DYNC1H1: variants seen among roughly 807,000 people sequenced by gnomAD.
The protein encoded by DYNC1H1 is cytoplasmic dynein 1 heavy chain 1.
DYNC1H1 carries 51 observed loss-of-function variants against 527.1 expected under a neutral mutation model. The observed-to-expected ratio is 0.10, with a 90% CI of 0.08 to 0.12. The LOEUF is 0.12. DYNC1H1 is among the 10% of genes least tolerant of loss of function. The probability of loss-of-function intolerance (pLI) is 1.00; values close to 1 mark genes in which losing one functional copy is unlikely to be tolerated. For missense variants in DYNC1H1, 2,771 were observed against 5,971.8 expected, an observed-to-expected ratio of 0.46 and a Z score of 17.66; for synonymous variants, 2,189 against 2,278.8, an observed-to-expected ratio of 0.96 and a Z score of 1.12.
chr14:102,011,288 T>TA lies in DYNC1H1; in HGVS notation c.6618+337dup. ...ATGAACAACCTGAATCGCTGATCAATACGTAGTTTACATTCTGTATTGGCT... is the reference window on the plus strand; with the variant it reads ...ATGAACAACCTGAATCGCTGATCAATAACGTAGTTTACATTCTGTATTGGCT... On this transcript the variant is annotated intron_variant, in intron 32 of 77. Transcript: ENST00000360184. This position sits in a 1 kb window ranked among gnomAD's most constrained non-coding sequence, Gnocchi z 5.3. 2 of 392,558 alleles carry TA rather than the reference T, an allele frequency of 5.1e-6. No homozygotes were observed. Among genetic ancestry groups the TA allele is most frequent in the East Asian group, 1.3e-4 (2 of 15,994 alleles). 24.3% of individuals were successfully genotyped at this position (392,558 alleles called of 1,614,324 possible). A position where few individuals can be genotyped will look rare whatever the true frequency, so the allele number is the denominator to read the frequency against.
Position 101,979,891 on chromosome 14 carries a change from G to A in DYNC1H1, c.691G>A (p.Asp231Asn), listed in dbSNP as rs1217652731. The stretch of plus-strand genomic sequence containing the variant: ...GCGTGGAGAAAAGCCAAAAGTTACA[G>A]ACTTTGGTGATAAGGTTGAAGACCC... ...YERGEKPKVT[D>N]FGDKVEDPTF... The change falls in exon 4 of 78, where the codon GAC (aspartate) becomes AAC (asparagine). Residue 231 changes from aspartate to asparagine, a missense_variant. Coordinates refer to ENST00000360184, the MANE Select transcript of DYNC1H1 (RefSeq NM_001376.5). This position sits in a 1 kb window ranked among gnomAD's most constrained non-coding sequence, Gnocchi z 4.6. The A allele has an allele frequency of 1.2e-6, 2 of 1,614,224 alleles. No individual in the cohort carries two copies.
intron 11 of DYNC1H1, among the ~76,000 whole-genome samples, chr14:101,993,814 C>T (rs907786509): frequency 2.0e-5 from 3 of 152,186 alleles, no homozygotes; most frequent in Non-Finnish European, 2.9e-5. Flanking sequence ...ATTCCCTAAT[C>T]GCGTCTCTCC....
chr14:102,012,555 T>TC lies in DYNC1H1; in HGVS notation c.7014+86dup. 6.4e-7 allele frequency: 1 copy of TC among 1,551,268 alleles called. No individual in the cohort carries two copies. Among genetic ancestry groups the TC allele is most frequent in the Non-Finnish European group, 8.9e-7 (1 of 1,124,938 alleles). Reference sequence around the variant, plus strand: ...GTGCTAGCTAAGTGCAGCTCTGGAGTCATGGACCCAGATTCCATGGAGTAG... The same window carrying TC: ...GTGCTAGCTAAGTGCAGCTCTGGAGTCCATGGACCCAGATTCCATGGAGTAG... On this transcript the variant is annotated intron_variant, in intron 34 of 77. Transcript: ENST00000360184. This position sits in a 1 kb window ranked among gnomAD's most constrained non-coding sequence, Gnocchi z 4.9.
In DYNC1H1 at chr14:102,016,127, C is replaced by T; in HGVS notation, c.7473+41C>T. The stretch of plus-strand genomic sequence containing the variant: ...GGGCTTCACAGAGCTCACCACTGCG[C>T]CAGACCACAGGTCTGAGGACCTCTG... On this transcript the variant is annotated intron_variant, in intron 36 of 77. Coordinates refer to ENST00000360184, the MANE Select transcript of DYNC1H1 (RefSeq NM_001376.5). This position sits in a 1 kb window ranked among gnomAD's most constrained non-coding sequence, Gnocchi z 7.3. 1 of 1,567,000 alleles carries T rather than the reference C, an allele frequency of 6.4e-7. No homozygotes were observed. Among genetic ancestry groups the T allele is most frequent in the East Asian group, 2.4e-5 (1 of 41,952 alleles).
At chr14:102,008,043 G>C (rs2048217314) in intron 28 of DYNC1H1, 135 bp from the exon 29 acceptor site, 1 of 1,249,246 alleles carries the variant, frequency 8.0e-7, no homozygotes, top group Non-Finnish European at 1.1e-6. Context: ...CCTTAGTTAT[G>C]TCCTTACACG....
At chr14:101,973,935 T>G (rs79545212) in intron 1 of DYNC1H1, among the ~76,000 whole-genome samples, 8,147 of 152,280 alleles carry the variant, frequency 0.054, 237 homozygotes, top group Non-Finnish European at 0.057. Context: ...TAGTGCTTAA[T>G]GAAACCTTAT....
intron 51 of DYNC1H1, chr14:102,030,631 A>C (rs557290521): frequency 3.1e-6 from 1 of 324,382 alleles, no homozygotes; most frequent in East Asian, 8.1e-5. Context: ...AGAAATATAA[A>C]ATATTCAGTG....
intron 52 of DYNC1H1, 94 bp downstream of exon 52, chr14:102,032,561 G>A (rs1463767958): frequency 6.0e-6 from 9 of 1,502,120 alleles, no homozygotes; most frequent in East Asian, 4.6e-5. Context: ...CAGAACTTTC[G>A]GCTGTTCAGG....
rs17541158 is a variant in DYNC1H1, at chr14:102,016,062, C to G, written c.7449C>G (p.Ile2483Met). The G allele has an allele frequency of 3.1e-6, 5 of 1,611,880 alleles. No homozygotes were observed. The East Asian group carries it at 6.7e-5, about 22-fold the overall frequency. ...NANHPDFPMQ[I>M]EQLERYIQRY... ...ACCATCCCGACTTCCCCATGCAGAT[C>G]GAGCAGCTGGAGCGCTACATTCAGG... is the stretch of plus-strand genomic sequence containing the variant. Residue 2483 changes from isoleucine to methionine, a missense_variant, in exon 36 of 78, where the codon ATC (isoleucine) becomes ATG (methionine). Around this residue, in one of 32 missense-constraint regions of DYNC1H1, gnomAD observed 122 missense variants for 168.4 expected, o/e 0.72. Coordinates refer to ENST00000360184, the MANE Select transcript of DYNC1H1 (RefSeq NM_001376.5). This position sits in a 1 kb window ranked among gnomAD's most constrained non-coding sequence, Gnocchi z 7.3.
At position 102,011,768 on chromosome 14, in the gene DYNC1H1, T is replaced by A. The variant is rs1431542083; in HGVS notation, c.6619-107T>A. On this transcript the variant is annotated intron_variant, in intron 32 of 77. Coordinates refer to ENST00000360184, the MANE Select transcript of DYNC1H1 (RefSeq NM_001376.5). This position sits in a 1 kb window ranked among gnomAD's most constrained non-coding sequence, Gnocchi z 5.3. ...CTCCGTTTCAGGAAAAAAAAAAAAA[T>A]CCACACATAATGTTTCTTGCTCACT... The A allele has an allele frequency of 8.5e-6, 10 of 1,179,398 alleles. No individual in the cohort carries two copies. The highest frequency in any genetic ancestry group is 3.1e-5 in the African/African-American group (2 of 65,468). The allele number at this position is 1,179,398 out of a possible 1,614,324, so 73.1% of individuals were successfully genotyped here. A position where few individuals can be genotyped will look rare whatever the true frequency, so the allele number is the denominator to read the frequency against.
rs535620363 is a variant in DYNC1H1, at chr14:101,973,449, C to T, written c.257-2263C>T. Among the ~76,000 whole-genome samples, 5 of 152,136 alleles carry T rather than the reference C, an allele frequency of 3.3e-5. No homozygotes were observed. In the East Asian group the frequency reaches 5.8e-4, roughly 18 times the overall value. On this transcript the variant is annotated intron_variant, in intron 1 of 77. Coordinates refer to ENST00000360184, the MANE Select transcript of DYNC1H1 (RefSeq NM_001376.5). Reference sequence around the variant, plus strand: ...TGCTGAGATTACAGGCATGAGCCACCGCGCCTGGCCAGATAGACTAATATT... The same window carrying T: ...TGCTGAGATTACAGGCATGAGCCACTGCGCCTGGCCAGATAGACTAATATT...
In DYNC1H1 at chr14:102,010,183, T is replaced by G. The variant is rs968757319; in HGVS notation, c.6222-93T>G. On this transcript the variant is annotated intron_variant, in intron 30 of 77. Coordinates refer to ENST00000360184, the MANE Select transcript of DYNC1H1 (RefSeq NM_001376.5). This position sits in a 1 kb window ranked among gnomAD's most constrained non-coding sequence, Gnocchi z 6.0. ...TTTATATGTAATGATGGTACGTCTT[T>G]CAAAATATCCATCTCTGGTTTCTTG... is the stretch of plus-strand genomic sequence containing the variant. The G allele has an allele frequency of 8.1e-6, 13 of 1,612,354 alleles. No homozygotes were observed. The South Asian group carries it at 1.4e-4, about 18-fold the overall frequency.
At position 102,056,314 on chromosome 14, in the gene DYNC1H1, G is replaced by T. The variant is rs964536191; in HGVS notation, c.*5751G>T. 3.3e-5 allele frequency: 5 copies of T among 152,186 alleles called. No homozygotes were observed. Among genetic ancestry groups the T allele is most frequent in the African/African-American group, 1.2e-4 (5 of 41,438 alleles). 9.4% of individuals were successfully genotyped at this position (152,186 alleles called of 1,614,324 possible). On this transcript the variant is annotated 3_prime_UTR_variant, in exon 78 of 78. Transcript: ENST00000360184. ...TCCCCCAGACTGCTCAATCAATCAC[G>T]ACCCTTTCACGTAAAATCTTTAGTG...
At position 102,020,837 on chromosome 14, in the gene DYNC1H1, C is replaced by T; in HGVS notation, c.8507+781C>T. ...CATCCTGCAGTTTTTCCTGTCATTA[C>T]TGTACAAGGAGTCTCAGAATACTGC... is the stretch of plus-strand genomic sequence containing the variant. On this transcript the variant is annotated intron_variant, in intron 42 of 77. Coordinates refer to ENST00000360184, the MANE Select transcript of DYNC1H1 (RefSeq NM_001376.5). The surrounding 1 kb of genome is among the most constrained non-coding windows in gnomAD (Gnocchi z 4.3). Among the ~76,000 whole-genome samples, 1 of 152,182 alleles carries T rather than the reference C, an allele frequency of 6.6e-6. No homozygotes were observed. Among genetic ancestry groups the T allele is most frequent in the East Asian group, 1.9e-4 (1 of 5,202 alleles).
intron 1 of DYNC1H1, among the ~76,000 whole-genome samples, chr14:101,968,334 C>T (rs2047690736): frequency 6.6e-6 from 1 of 152,078 alleles, no homozygotes; most frequent in Non-Finnish European, 1.5e-5. Context: ...CTGTGTCACC[C>T]AGGCAGGAGT....
At chr14:101,967,488 T>TA (rs1250425107) in intron 1 of DYNC1H1, among the ~76,000 whole-genome samples, 1 of 152,216 alleles carries the variant, frequency 6.6e-6, no homozygotes, top group Non-Finnish European at 1.5e-5. Flanking sequence ...ACTATATATA[T>TA]TTTTTATTTG....
At chr14:101,993,078 G>A (rs919085513) in intron 11 of DYNC1H1, among the ~76,000 whole-genome samples, 14 of 151,802 alleles carry the variant, frequency 9.2e-5, no homozygotes, top group African/African-American at 2.9e-4. Flanking sequence ...TGGCTATCTC[G>A]GAGTCGCGTC....
In DYNC1H1 at chr14:101,964,971, T is replaced by TCGCCAGAGC; in HGVS notation, c.256+26_256+34dup. On this transcript the variant is annotated intron_variant, in intron 1 of 77. Transcript: ENST00000360184. This position sits in a 1 kb window ranked among gnomAD's most constrained non-coding sequence, Gnocchi z 5.5. ...AGGTGCGGGGCCGCGGAGGGCAGGG[T>TCGCCAGAGC]CGCCAGAGCCAGGCCTCGCGGAATG... 6.3e-7 allele frequency: 1 copy of TCGCCAGAGC among 1,579,480 alleles called. No individual in the cohort carries two copies.
intron 1 of DYNC1H1, among the ~76,000 whole-genome samples, chr14:101,967,322 A>G (rs2047680246): frequency 1.3e-5 from 2 of 152,250 alleles, no homozygotes; most frequent in African/African-American, 4.8e-5. Context: ...TGTAGACAAC[A>G]GAGCTGAATT....
Sources: allele counts gnomAD v4.1 joint callset (sites outside exome capture counted in the v4.1 genomes callset), GRCh38; gene constraint gnomAD v4.1.1; regional missense constraint gnomAD v4.1.1; non-coding constraint Gnocchi (gnomAD v3.1); transcripts MANE v1.5; gene names NCBI Gene and HGNC (gene_info 2026-07-23, HGNC 2026-07-21).